ADGRV1: variants seen among roughly 807,000 people sequenced by gnomAD.
ADGRV1 encodes G-protein coupled receptor 98.
In ADGRV1, 359 loss-of-function variants were observed where a neutral mutation model predicts 596.2. The ratio of observed to expected loss-of-function variants is 0.60; its 90% CI spans 0.55 to 0.66. ADGRV1 has a LOEUF of 0.66. Ranked by LOEUF, ADGRV1 falls within the 30% of genes least tolerant of loss-of-function variation. The probability of loss-of-function intolerance (pLI) is 0.00; values close to 1 mark genes in which losing one functional copy is unlikely to be tolerated. For synonymous variants in ADGRV1, 2,681 were observed against 2,679.2 expected (o/e 1.00, Z -0.02); for missense variants, 7,274 against 7,575.6 (o/e 0.96, Z 1.48).
intron 83 of ADGRV1, among the ~76,000 whole-genome samples, chr5:90,907,931 A>G (rs1451830905): frequency 6.6e-6 from 1 of 151,770 alleles, no homozygotes; most frequent in East Asian, 1.9e-4. Flanking sequence ...GCTTACTGCA[A>G]CCTCCATCTC....
At chr5:91,047,977 GTTAAAACTACTATC>G (rs1249113831) in intron 85 of ADGRV1, among the ~76,000 whole-genome samples, 2 of 152,178 alleles carry the variant, frequency 1.3e-5, no homozygotes, top group Non-Finnish European at 2.9e-5. Flanking sequence ...ACTTTATTTA[GTTAAAACTACTATC>G]CTTCCAACAG....
chr5:91,113,154 T>C lies in ADGRV1; in HGVS notation c.18432+10814T>C, dbSNP rs541052804. 1.3e-5 allele frequency among the ~76,000 whole-genome samples: 2 copies of C among 152,288 alleles called. 1 individual carries two copies. ...CTTGGTTTGCAGTATAGATCTGTTG[T>C]ATGTCATTCACCTGCTTTCAGATAT... On this transcript the variant is annotated intron_variant, in intron 87 of 89. Transcript: ENST00000405460.
At position 90,863,819 on chromosome 5, in the gene ADGRV1, C is replaced by G; in HGVS notation, c.17818C>G (p.Leu5940Val). The G allele has an allele frequency of 6.2e-7, 1 of 1,613,570 alleles. No homozygotes were observed. Among genetic ancestry groups the G allele is most frequent in the Non-Finnish European group, 8.5e-7 (1 of 1,179,554 alleles). ...CAGGTACTCCATGTTTGCAGCTAAA[C>G]TTCTGACTCACATGATGGCAGCCAG... ...CARYSMFAAK[L>V]LTHMMAASLG... Residue 5940 changes from leucine to valine, a missense_variant, in exon 83 of 90, where the codon CTT (leucine) becomes GTT (valine). By Grantham distance (32) the Leu-to-Val change is conservative. This residue lies in a region of ADGRV1 where 1,874 missense variants were observed against 1,970.2 expected (regional missense o/e 0.95). Coordinates refer to ENST00000405460, the MANE Select transcript of ADGRV1 (RefSeq NM_032119.4).
intron 85 of ADGRV1, among the ~76,000 whole-genome samples, chr5:91,031,951 A>G (rs1189028662): frequency 6.6e-6 from 1 of 152,256 alleles, no homozygotes; most frequent in Non-Finnish European, 1.5e-5. Flanking sequence ...TACGTGATAT[A>G]TTAACAAGAT....
At chr5:90,942,088 C>T (rs1255042990) in intron 83 of ADGRV1, among the ~76,000 whole-genome samples, 3 of 152,152 alleles carry the variant, frequency 2.0e-5, no homozygotes, top group Non-Finnish European at 2.9e-5. Flanking sequence ...GAATAATTTG[C>T]ATTGTTAACT....
At chr5:91,035,861 T>TATATATATATATATAATATATATTATATA in intron 85 of ADGRV1, among the ~76,000 whole-genome samples, 1 of 96,404 alleles carries the variant, frequency 1.0e-5, no homozygotes, top group South Asian at 3.5e-4. Context: ...TATATATATA[T>TATATATATATATATAATATATATTATATA]TATATATATA....
intron 1 of ADGRV1, among the ~76,000 whole-genome samples, chr5:90,587,130 G>A (rs1165932265): frequency 1.3e-5 from 2 of 151,780 alleles, no homozygotes; most frequent in Non-Finnish European, 2.9e-5. Flanking sequence ...TATATTCCAC[G>A]TGTTTCAAAC....
chr5:90,563,835 G>A (rs576344805), intron 1 of ADGRV1, among the ~76,000 whole-genome samples: 6 of 152,278 alleles, frequency 3.9e-5, no homozygotes, highest in Non-Finnish European at 8.8e-5. Context: ...TTCTTTAGTC[G>A]TGAATTTTGA....
intron 37 of ADGRV1, among the ~76,000 whole-genome samples, chr5:90,706,011 C>T (rs533087907): frequency 6.6e-6 from 1 of 152,180 alleles, no homozygotes; most frequent in African/African-American, 2.4e-5. Context: ...AGTCACATAT[C>T]CAAATTCAAA....
At chr5:90,646,164 G>A in intron 16 of ADGRV1, 73 bp downstream of exon 16, 1 of 1,046,672 alleles carries the variant, frequency 9.6e-7, no homozygotes, top group Non-Finnish European at 1.3e-6. Flanking sequence ...ATATGCACGT[G>A]CATATATACA....
At chr5:91,073,104 C>T (rs1043391909) in intron 86 of ADGRV1, among the ~76,000 whole-genome samples, 1 of 152,172 alleles carries the variant, frequency 6.6e-6, no homozygotes, top group Non-Finnish European at 1.5e-5. Flanking sequence ...CTTTCTAGTT[C>T]AAATTGGCTT....
At chr5:91,035,864 T>TATA (rs1562121863) in intron 85 of ADGRV1, among the ~76,000 whole-genome samples, 2,777 of 68,220 alleles carry the variant, frequency 0.041, 84 homozygotes, top group Non-Finnish European at 0.061. Flanking sequence ...ATATATATTA[T>TATA]ATATATATAT....
chr5:90,731,902 G>A (rs1051018735), intron 50 of ADGRV1, among the ~76,000 whole-genome samples: 8 of 152,008 alleles, frequency 5.3e-5, no homozygotes, highest in African/African-American at 7.2e-5. Flanking sequence ...TTTCTAAAAC[G>A]AACACTTTTA....
chr5:90,977,978 G>A (rs2151020768), intron 84 of ADGRV1, among the ~76,000 whole-genome samples: 1 of 152,192 alleles, frequency 6.6e-6, no homozygotes, highest in Non-Finnish European at 1.5e-5. Context: ...TTTATGTTTG[G>A]CCTACGTTTA....
At chr5:90,562,975 A>G (rs1188196569) in intron 1 of ADGRV1, among the ~76,000 whole-genome samples, 2 of 152,214 alleles carry the variant, frequency 1.3e-5, no homozygotes, top group Admixed American at 6.5e-5. Context: ...ACATTTGAGC[A>G]GAGAGATTTT....
At chr5:90,873,591 TA>T (rs1368090972) in intron 83 of ADGRV1, among the ~76,000 whole-genome samples, 10 of 152,152 alleles carry the variant, frequency 6.6e-5, no homozygotes, top group Non-Finnish European at 1.5e-4. Context: ...TTTGCATTTT[TA>T]AAAACTTTTA....
In ADGRV1 at chr5:90,692,743, C is replaced by T; in HGVS notation, c.7090C>T (p.Pro2364Ser). 6.2e-7 allele frequency: 1 copy of T among 1,606,588 alleles called. No homozygotes were observed. Among genetic ancestry groups the T allele is most frequent in the South Asian group, 1.1e-5 (1 of 89,372 alleles). The stretch of plus-strand genomic sequence containing the variant: ...TCAGATGGTTTATCGTGTTCAAGAG[C>T]CTCTGGAAAGAAGTTCCTGTGCTAA... Reference protein sequence around the residue: ...FAQMVYRVQEPLERSSCANIT... With the variant: ...FAQMVYRVQESLERSSCANIT... The change falls in exon 32 of 90, where the codon CCT (proline) becomes TCT (serine). Residue 2364 changes from proline (P) to serine (S), a missense_variant. Around this residue, in one of 5 missense-constraint regions of ADGRV1, gnomAD observed 3,643 missense variants for 3,809.2 expected, o/e 0.96. Coordinates refer to ENST00000405460, the MANE Select transcript of ADGRV1 (RefSeq NM_032119.4).
chr5:90,625,512 AT>A (rs1459241938), intron 6 of ADGRV1: 1 of 273,896 alleles, frequency 3.7e-6, no homozygotes, highest in East Asian at 6.7e-5. Flanking sequence ...AGTGCTTTCA[AT>A]TTTGAGCAAG....
At chr5:90,807,530 A>T in intron 72 of ADGRV1, 72 bp from the exon 73 acceptor site, 4 of 1,403,392 alleles carry the variant, frequency 2.9e-6, no homozygotes, top group Non-Finnish European at 1.9e-6. Flanking sequence ...ACACTACTAC[A>T]GTTTTAAAAG....
Sources: gnomAD v4.1 joint callset for allele counts (sites outside exome capture counted in the v4.1 genomes callset) on GRCh38, gnomAD v4.1.1 for gene constraint, gnomAD v4.1.1 regional missense constraint, MANE v1.5 for transcripts, NCBI Gene and HGNC (gene_info 2026-07-23, HGNC 2026-07-21) for gene names.